MFN2: variants seen among roughly 807,000 people sequenced by gnomAD.
MFN2 encodes mitofusin-2.
A neutral mutation model predicts 87.5 loss-of-function variants in MFN2; 43 were observed. That is an observed-to-expected ratio of 0.49 (90% CI 0.38 to 0.63). MFN2 has a LOEUF of 0.63. MFN2 is among the 30% of genes least tolerant of loss of function. The probability of loss-of-function intolerance (pLI) is 0.00; values close to 1 mark genes in which losing one functional copy is unlikely to be tolerated. For synonymous variants in MFN2, 337 were observed against 359.9 expected (o/e 0.94, Z 0.72); for missense variants, 743 against 972.8 (o/e 0.76, Z 3.14).
chr1:12,000,083 T>A (rs1639105635), intron 8 of MFN2, among the ~76,000 whole-genome samples: 1 of 133,150 alleles, frequency 7.5e-6, no homozygotes, highest in Admixed American at 7.5e-5. Context: ...GGCAAGAGAG[T>A]GAGATTCCGT....
rs539071985 is a variant in MFN2 at position 12,011,647 on chromosome 1, G to A, written c.*82G>A. 4.8e-6 allele frequency: 7 copies of A among 1,454,608 alleles called. No individual in the cohort carries two copies. In the African/African-American group the frequency reaches 8.4e-5, roughly 17 times the overall value. The allele number at this position is 1,454,608 out of a possible 1,614,324, so 90.1% of individuals were successfully genotyped here. On this transcript the variant is annotated 3_prime_UTR_variant, in exon 19 of 19. Transcript: ENST00000235329. ...CATGTGGGCTCCCCCAGGGGCACGT[G>A]TGGCTCCTGCCCCCTGGCCACTGCC...
At chr1:12,007,386 G>A in intron 17 of MFN2, 137 bp downstream of exon 17, 1 of 1,104,140 alleles carries the variant, frequency 9.1e-7, no homozygotes, top group Non-Finnish European at 1.3e-6. Context: ...CTTCAGGTGT[G>A]CAGGGCCAGC....
intron 2 of MFN2, among the ~76,000 whole-genome samples, chr1:11,988,403 G>GTTT (rs761186739): frequency 2.8e-4 from 38 of 137,852 alleles, no homozygotes; most frequent in East Asian, 8.5e-4. Flanking sequence ...ATGCCTGGCT[G>GTTT]TTTTTTTTTT....
intron 4 of MFN2, among the ~76,000 whole-genome samples, chr1:11,995,372 C>T (rs1242245890): frequency 2.0e-5 from 3 of 152,192 alleles, no homozygotes; most frequent in Non-Finnish European, 4.4e-5. Flanking sequence ...GTGGCTCATG[C>T]CTGTAATCCC....
At position 12,004,708 on chromosome 1, in the gene MFN2, A is replaced by G. The variant is rs1161678417; in HGVS notation, c.1392+95A>G. On this transcript the variant is annotated intron_variant, in intron 13 of 18. Coordinates refer to ENST00000235329, the MANE Select transcript of MFN2 (RefSeq NM_014874.4). The surrounding 1 kb of genome is among the most constrained non-coding windows in gnomAD (Gnocchi z 4.2). ...GTCAGGGCCCCCCAGCAGTGACAGT[A>G]GAAGCCACAGAGACAAGGCCCAGGC... 6 of 1,490,022 alleles carry G rather than the reference A, an allele frequency of 4.0e-6. No individual in the cohort carries two copies. The highest frequency in any genetic ancestry group is 1.7e-5 in the Admixed American group (1 of 58,648). 92.3% of individuals were successfully genotyped at this position (1,490,022 alleles called of 1,614,324 possible). A position where few individuals can be genotyped will look rare whatever the true frequency, so the allele number is the denominator to read the frequency against.
chr1:11,993,771 G>A (rs547924472), intron 4 of MFN2, among the ~76,000 whole-genome samples: 34 of 151,542 alleles, frequency 2.2e-4, no homozygotes, highest in African/African-American at 6.3e-4. Context: ...AGTTAAATAC[G>A]TGTTTTTTTT....
At chr1:12,005,275 G>T in intron 14 of MFN2, among the ~76,000 whole-genome samples, 1 of 152,176 alleles carries the variant, frequency 6.6e-6, no homozygotes, top group East Asian at 1.9e-4. Context: ...TAGAGATGGG[G>T]TTTTGCCACG....
Position 12,001,283 on chromosome 1 carries a change from GATT to G in MFN2, c.817-116_817-114del, listed in dbSNP as rs113312469. On this transcript the variant is annotated intron_variant, in intron 8 of 18. Coordinates refer to ENST00000235329, the MANE Select transcript of MFN2 (RefSeq NM_014874.4). ...CTGCCTTGGCTTCCCAAAGTGCTGG[GATT>G]ACAGGCGTCAGCCACCATGCCCAGC... is the stretch of plus-strand genomic sequence containing the variant. 319 of 1,410,042 alleles carry G rather than the reference GATT, an allele frequency of 2.3e-4. No individual in the cohort carries two copies. In the African/African-American group the frequency reaches 3.8e-3, roughly 17 times the overall value. 87.3% of individuals were successfully genotyped at this position (1,410,042 alleles called of 1,614,324 possible). A position where few individuals can be genotyped will look rare whatever the true frequency, so the allele number is the denominator to read the frequency against.
rs1639164342 is a variant in MFN2 at position 12,001,376 on chromosome 1, C to G, written c.817-25C>G. 4 of 1,612,520 alleles carry G rather than the reference C, an allele frequency of 2.5e-6. No homozygotes were observed. In the African/African-American group the frequency reaches 5.3e-5, roughly 21 times the overall value. ...GGCTGTGGGGCCACCTACACTCACT[C>G]TGGACACATTTGTTTGGGCTCCAGG... is the stretch of plus-strand genomic sequence containing the variant. On this transcript the variant is annotated intron_variant, in intron 8 of 18. Transcript: ENST00000235329.
intron 17 of MFN2, 151 bp downstream of exon 17, chr1:12,007,400 G>A: frequency 9.8e-7 from 1 of 1,018,774 alleles, no homozygotes; most frequent in Non-Finnish European, 1.5e-6. Flanking sequence ...GGCCAGCTTT[G>A]AGGCCAGTCA....
chr1:12,006,759 G>A (rs1639438467), intron 16 of MFN2, 66 bp downstream of exon 16: 1 of 1,605,230 alleles, frequency 6.2e-7, no homozygotes, highest in Non-Finnish European at 8.5e-7. Context: ...TGAGGGCTAG[G>A]TTCCTGCTGT....
At position 11,997,280 on chromosome 1, in the gene MFN2, C is replaced by A. The variant is rs759684850; in HGVS notation, c.475-17C>A. The A allele has an allele frequency of 9.3e-6, 15 of 1,613,846 alleles. No individual in the cohort carries two copies. The African/African-American group carries it at 2.0e-4, about 22-fold the overall frequency. On this transcript the variant is annotated splice_polypyrimidine_tract_variant and intron_variant, in intron 5 of 18. Coordinates refer to ENST00000235329, the MANE Select transcript of MFN2 (RefSeq NM_014874.4). ...TGGTTCCTCCTCAGCCTCTTTCTTT[C>A]CTTCCTCTGCCATCAGACTGTGAAC...
rs1186477892 is a variant in MFN2 at position 11,981,977 on chromosome 1, T to G, written c.-142T>G. ...CTTTTCTTTTCTAATAAGTCAGGAC[T>G]GGTGGAGTCAACACAGTCAATCAAT... On this transcript the variant is annotated 5_prime_UTR_variant, in exon 2 of 19. Transcript: ENST00000235329. 6.7e-6 allele frequency: 1 copy of G among 150,208 alleles called. No individual in the cohort carries two copies. Among genetic ancestry groups the G allele is most frequent in the Non-Finnish European group, 1.5e-5 (1 of 67,906 alleles). 9.3% of individuals were successfully genotyped at this position (150,208 alleles called of 1,614,324 possible). A position where few individuals can be genotyped will look rare whatever the true frequency, so the allele number is the denominator to read the frequency against.
chr1:12,009,581 C>G lies in MFN2; in HGVS notation c.2070-11C>G, dbSNP rs759614417. ...CACACCCCAACTGGGTCCCTTCTCT[C>G]TCCTCCCCAGGGAACTGTCTGGGAC... is the stretch of plus-strand genomic sequence containing the variant. On this transcript the variant is annotated splice_polypyrimidine_tract_variant and intron_variant, in intron 17 of 18. Transcript: ENST00000235329. 3.2e-5 allele frequency: 52 copies of G among 1,614,230 alleles called. 1 individual carries two copies. In the East Asian group the frequency reaches 1.1e-3, roughly 34 times the overall value.
At chr1:11,997,016 G>A (rs1249689201) in intron 5 of MFN2, among the ~76,000 whole-genome samples, 1 of 149,548 alleles carries the variant, frequency 6.7e-6, no homozygotes, top group African/African-American at 2.5e-5. Context: ...CCAAACCTGG[G>A]TGACAGAGCG....
At chr1:11,997,049 A>G (rs2100825208) in intron 5 of MFN2, among the ~76,000 whole-genome samples, 1 of 152,274 alleles carries the variant, frequency 6.6e-6, no homozygotes, top group Non-Finnish European at 1.5e-5. Flanking sequence ...AAAAAAAAAA[A>G]AAAAAAAAGA....
chr1:11,983,147 A>G (rs532699903), intron 2 of MFN2, among the ~76,000 whole-genome samples: 80 of 152,182 alleles, frequency 5.3e-4, no homozygotes, highest in Middle Eastern at 3.4e-3. Flanking sequence ...ATCTTGGCTC[A>G]CTGCAAGCTC....
At chr1:11,999,156 G>A (rs1309930126) in intron 8 of MFN2, 61 bp downstream of exon 8, 2 of 1,373,374 alleles carry the variant, frequency 1.5e-6, no homozygotes, top group African/African-American at 2.9e-5. Flanking sequence ...GCCTGCCACT[G>A]GGGCCACTTC....
chr1:11,991,923 CAAAAAAAAAAAAAAAA>C (rs35314016), intron 3 of MFN2, among the ~76,000 whole-genome samples: 656 of 16,764 alleles, frequency 0.039, 19 homozygotes, highest in Non-Finnish European at 0.064. Flanking sequence ...GACTCCGTCT[CAAAAAAAAAAAAAAAA>C]AAAAAAAAAA....
Sources: gnomAD v4.1 joint callset for allele counts (sites outside exome capture counted in the v4.1 genomes callset) on GRCh38, gnomAD v4.1.1 for gene constraint, Gnocchi (gnomAD v3.1) non-coding constraint, MANE v1.5 for transcripts, NCBI Gene and HGNC (gene_info 2026-07-23, HGNC 2026-07-21) for gene names.